Variants in SPAG16 observed in about 807,000 individuals in gnomAD.
The protein encoded by SPAG16 is sperm associated antigen 16, also known as sperm-associated antigen 16 protein.
In SPAG16, 86 loss-of-function variants were observed where a neutral mutation model predicts 80.4. The observed-to-expected ratio is 1.07, with a 90% confidence interval of 0.90 to 1.28. The LOEUF (loss-of-function observed/expected upper bound fraction) is 1.28, where lower values mean the gene tolerates loss of function less well. Among genes scored for constraint, SPAG16 ranks in the 50% most tolerant of loss-of-function variants. SPAG16 has a pLI of 0.00. For synonymous variants in SPAG16, 294 were observed against 265.9 expected, an observed-to-expected ratio of 1.11 and a Z score of -1.03; for missense variants, 870 against 765.3, an observed-to-expected ratio of 1.14 and a Z score of -1.61.
chr2:213,903,287 G>A (rs1305819022), intron 11 of SPAG16, among the ~76,000 whole-genome samples: 1 of 152,164 alleles, frequency 6.6e-6, no homozygotes, highest in East Asian at 1.9e-4. Flanking sequence ...TTTTCCATGG[G>A]CATCCCACCC....
At chr2:213,477,644 C>A (rs2073487974) in intron 9 of SPAG16, among the ~76,000 whole-genome samples, 1 of 152,162 alleles carries the variant, frequency 6.6e-6, no homozygotes, top group African/African-American at 2.4e-5. Flanking sequence ...GGAATGGGAG[C>A]ATTTATTCAA....
At chr2:213,586,270 G>T (rs1336095529) in intron 10 of SPAG16, among the ~76,000 whole-genome samples, 1 of 152,144 alleles carries the variant, frequency 6.6e-6, no homozygotes. Context: ...ACAGAAATTT[G>T]TTTCTCACAG....
chr2:213,759,797 G>A (rs2068551003), intron 10 of SPAG16, among the ~76,000 whole-genome samples: 1 of 152,190 alleles, frequency 6.6e-6, no homozygotes, highest in African/African-American at 2.4e-5. Flanking sequence ...TGCGCTTTGG[G>A]AGGCCGAGGT....
At chr2:214,323,059 CT>C (rs1696213711) in intron 15 of SPAG16, among the ~76,000 whole-genome samples, 1 of 152,198 alleles carries the variant, frequency 6.6e-6, no homozygotes, top group Non-Finnish European at 1.5e-5. Context: ...TTATTCTGCA[CT>C]TTGTTGCTTA....
intron 14 of SPAG16, among the ~76,000 whole-genome samples, chr2:214,139,206 T>A (rs906447880): frequency 6.6e-6 from 1 of 152,190 alleles, no homozygotes; most frequent in African/African-American, 2.4e-5. Flanking sequence ...GCCAGTTGAC[T>A]TTTAAATTTA....
At chr2:213,343,877 A>T (rs1042205167) in intron 6 of SPAG16, among the ~76,000 whole-genome samples, 1 of 152,116 alleles carries the variant, frequency 6.6e-6, no homozygotes, top group South Asian at 2.1e-4. Flanking sequence ...CTCTGGAGCA[A>T]TATTAAATAG....
At chr2:213,528,970 G>T (rs2042009796) in intron 10 of SPAG16, among the ~76,000 whole-genome samples, 1 of 152,080 alleles carries the variant, frequency 6.6e-6, no homozygotes, top group South Asian at 2.1e-4. Context: ...CAGTAGATAA[G>T]AATTTTATGT....
intron 10 of SPAG16, among the ~76,000 whole-genome samples, chr2:213,716,902 A>T (rs1250618285): frequency 6.6e-6 from 1 of 152,130 alleles, no homozygotes; most frequent in Non-Finnish European, 1.5e-5. Context: ...GAATTCTACC[A>T]CTTTCATATT....
At chr2:214,162,214 C>T (rs1006985666) in intron 15 of SPAG16, among the ~76,000 whole-genome samples, 1 of 152,066 alleles carries the variant, frequency 6.6e-6, no homozygotes, top group Non-Finnish European at 1.5e-5. Flanking sequence ...ATTTCAGATC[C>T]CAGGACCTTT....
intron 8 of SPAG16, among the ~76,000 whole-genome samples, chr2:213,368,582 A>C (rs972584218): frequency 6.6e-5 from 10 of 152,190 alleles, no homozygotes; most frequent in Non-Finnish European, 1.0e-4. Flanking sequence ...AGTCAGGAAA[A>C]AGAAATAAAG....
chr2:213,481,398 A>T (rs779989781), intron 9 of SPAG16, among the ~76,000 whole-genome samples: 1 of 152,020 alleles, frequency 6.6e-6, no homozygotes, highest in Non-Finnish European at 1.5e-5. Context: ...GACTTTTGTC[A>T]TCTTTCAATT....
chr2:213,984,877 C>T (rs1257889768), intron 12 of SPAG16, among the ~76,000 whole-genome samples: 1 of 152,106 alleles, frequency 6.6e-6, no homozygotes, highest in Non-Finnish European at 1.5e-5. Context: ...ATCCCTTCCA[C>T]AGATATCTAC....
intron 15 of SPAG16, among the ~76,000 whole-genome samples, chr2:214,187,140 T>C (rs1265125968): frequency 6.6e-6 from 1 of 152,078 alleles, no homozygotes; most frequent in Non-Finnish European, 1.5e-5. Flanking sequence ...TAGGACACTA[T>C]ATGGGCGTAC....
At chr2:213,988,584 G>T (rs1379086329) in intron 12 of SPAG16, among the ~76,000 whole-genome samples, 1 of 151,800 alleles carries the variant, frequency 6.6e-6, no homozygotes, top group Non-Finnish European at 1.5e-5. Context: ...ATAGTGTTCA[G>T]CAAGGTTACA....
chr2:214,082,866 G>C (rs1003462903), intron 13 of SPAG16, among the ~76,000 whole-genome samples: 1 of 152,030 alleles, frequency 6.6e-6, no homozygotes, highest in Admixed American at 6.6e-5. Context: ...TTGCCACTTT[G>C]TTTCTCCCAC....
chr2:213,767,689 A>G (rs1206336788), intron 10 of SPAG16, among the ~76,000 whole-genome samples: 4 of 151,430 alleles, frequency 2.6e-5, no homozygotes, highest in Non-Finnish European at 5.9e-5. Flanking sequence ...AAAATCAGAT[A>G]TAAGAATTTA....
chr2:214,203,099 TA>T (rs2058052482), intron 15 of SPAG16, among the ~76,000 whole-genome samples: 1 of 152,182 alleles, frequency 6.6e-6, no homozygotes, highest in Admixed American at 6.5e-5. Flanking sequence ...TTATTCACAC[TA>T]AATGAAAAAT....
chr2:214,382,872 T>C (rs142608175), intron 15 of SPAG16, among the ~76,000 whole-genome samples: 1 of 152,128 alleles, frequency 6.6e-6, no homozygotes, highest in Non-Finnish European at 1.5e-5. Context: ...GGCTTCTGCC[T>C]CTCTAAGCAT....
intron 12 of SPAG16, among the ~76,000 whole-genome samples, chr2:213,980,072 T>C (rs1353253076): frequency 6.6e-6 from 1 of 151,526 alleles, no homozygotes; most frequent in African/African-American, 2.4e-5. Context: ...GAAAACTAAG[T>C]GTAGGCCAGG....
Sources: gnomAD v4.1 joint callset for allele counts (sites outside exome capture counted in the v4.1 genomes callset) on GRCh38, gnomAD v4.1.1 for gene constraint, MANE v1.5 for transcripts, NCBI Gene and HGNC (gene_info 2026-07-23, HGNC 2026-07-21) for gene names.